The following SCGB2B2 variants were observed in gnomAD, a reference collection of about 807,000 sequenced individuals.
SCGB2B2 encodes the protein secretoglobin-like protein.
SCGB2B2 carries 11 observed loss-of-function variants against 7.6 expected under a neutral mutation model. The ratio of observed to expected loss-of-function variants is 1.45; its 90% confidence interval spans 0.91 to 2.40. The LOEUF (loss-of-function observed/expected upper bound fraction) is 2.40. Among genes scored for constraint, SCGB2B2 ranks in the 30% most tolerant of loss-of-function variants. The pLI is 0.00. For missense variants in SCGB2B2, 104 were observed against 115.4 expected (o/e 0.90, Z 0.45); for synonymous variants, 50 against 48.6 (o/e 1.03, Z -0.12).
At chr19:34,602,978 C>T (rs1193738671) in intron 1 of SCGB2B2, among the ~76,000 whole-genome samples, 2 of 152,132 alleles carry the variant, frequency 1.3e-5, no homozygotes, top group East Asian at 3.9e-4. Context: ...GTGGTTTCCT[C>T]ATTAAGTATT....
intron 1 of SCGB2B2, among the ~76,000 whole-genome samples, chr19:34,670,465 G>A (rs1396805846): frequency 1.3e-5 from 2 of 152,118 alleles, no homozygotes; most frequent in Non-Finnish European, 2.9e-5. Context: ...ATTTCTCTGC[G>A]ATTTTACTTT....
At position 34,676,573 on chromosome 19, in the gene SCGB2B2, A is replaced by C. The variant is rs1374714999; in HGVS notation, c.-2975T>G. 6.6e-6 allele frequency: 1 copy of C among 151,932 alleles called. No individual in the cohort carries two copies. Among genetic ancestry groups the C allele is most frequent in the East Asian group, 1.9e-4 (1 of 5,170 alleles). The allele number at this position is 151,932 out of a possible 1,614,324, so 9.4% of individuals were successfully genotyped here. On this transcript the variant is annotated 5_prime_UTR_variant, in exon 1 of 4. Transcript: ENST00000601241. Reference sequence around the variant, plus strand: ...ACAATGGAGTACCCATTGTTTCTTTACTTTCTTAATACACTTGCTTTGGCT... The same window carrying C: ...ACAATGGAGTACCCATTGTTTCTTTCCTTTCTTAATACACTTGCTTTGGCT...
intron 1 of SCGB2B2, among the ~76,000 whole-genome samples, chr19:34,634,130 A>G (rs1432100594): frequency 1.3e-5 from 2 of 152,192 alleles, no homozygotes; most frequent in African/African-American, 4.8e-5. Flanking sequence ...TCCTGAAAAT[A>G]TCTGTGTACC....
intron 1 of SCGB2B2, among the ~76,000 whole-genome samples, chr19:34,643,755 A>T (rs1206444431): frequency 1.3e-5 from 2 of 152,176 alleles, no homozygotes; most frequent in African/African-American, 4.8e-5. Context: ...GGAGAACATT[A>T]GACAATTTCT....
intron 1 of SCGB2B2, among the ~76,000 whole-genome samples, chr19:34,621,452 T>G (rs923292884): frequency 2.6e-5 from 4 of 151,960 alleles, no homozygotes; most frequent in Admixed American, 2.6e-4. Flanking sequence ...GGCATTTTTT[T>G]TTTTTCCCCA....
At chr19:34,615,854 A>C (rs2066061536) in intron 1 of SCGB2B2, among the ~76,000 whole-genome samples, 2 of 109,102 alleles carry the variant, frequency 1.8e-5, no homozygotes, top group African/African-American at 3.5e-5. Flanking sequence ...CCACCCCACA[A>C]CAGTCCCCAG....
At chr19:34,599,332 C>T (rs1163334869) in intron 1 of SCGB2B2, among the ~76,000 whole-genome samples, 2 of 152,196 alleles carry the variant, frequency 1.3e-5, no homozygotes, top group Admixed American at 1.3e-4. Flanking sequence ...CTCCTTCTCC[C>T]CATCTGTATT....
intron 1 of SCGB2B2, among the ~76,000 whole-genome samples, chr19:34,599,929 T>C (rs1349202106): frequency 6.6e-6 from 1 of 152,200 alleles, no homozygotes; most frequent in Non-Finnish European, 1.5e-5. Context: ...CTTAAGTGAT[T>C]ACTGTAATGC....
rs1164078399 is a variant in SCGB2B2, at chr19:34,675,953, T to G, written c.-2355A>C. 6.6e-6 allele frequency: 1 copy of G among 152,120 alleles called. No homozygotes were observed. The allele number at this position is 152,120 out of a possible 1,614,324, so 9.4% of individuals were successfully genotyped here. On this transcript the variant is annotated 5_prime_UTR_variant, in exon 1 of 4. Coordinates refer to ENST00000601241, the MANE Select transcript of SCGB2B2 (RefSeq NM_001025591.4). ...TGAAGCTGCAGACCTTCAGGGTGAG[T>G]GTTGCAGCTCATAAAGGTAGTGCAG... is the stretch of plus-strand genomic sequence containing the variant.
At chr19:34,609,096 C>G (rs919388302) in intron 1 of SCGB2B2, among the ~76,000 whole-genome samples, 1 of 152,004 alleles carries the variant, frequency 6.6e-6, no homozygotes, top group African/African-American at 2.4e-5. Context: ...TGAAAAATAC[C>G]TGTTGACCAT....
chr19:34,630,429 C>G (rs1472965520), intron 1 of SCGB2B2, among the ~76,000 whole-genome samples: 1 of 151,844 alleles, frequency 6.6e-6, no homozygotes, highest in Non-Finnish European at 1.5e-5. Context: ...AAAAAACAAA[C>G]AACCCCATCA....
intron 1 of SCGB2B2, among the ~76,000 whole-genome samples, chr19:34,612,996 T>C (rs1318410635): frequency 2.0e-5 from 3 of 152,232 alleles, no homozygotes; most frequent in African/African-American, 4.8e-5. Flanking sequence ...TTGTCTCTTA[T>C]AGTTTTATGT....
At position 34,596,467 on chromosome 19, in the gene SCGB2B2, G is replaced by A. The variant is rs1053743633; in HGVS notation, c.-1904C>T. On this transcript the variant is annotated 5_prime_UTR_variant, in exon 2 of 4. Transcript: ENST00000601241. ...AGAATGGGATTTTGTGTGTGTGTGA[G>A]TGGAATGCGCTGGCAGGATTCCACC... is the stretch of plus-strand genomic sequence containing the variant. The A allele has an allele frequency of 1.3e-5, 2 of 152,796 alleles. No individual in the cohort carries two copies. Among genetic ancestry groups the A allele is most frequent in the African/African-American group, 4.8e-5 (2 of 41,458 alleles). 9.5% of individuals were successfully genotyped at this position (152,796 alleles called of 1,614,324 possible).
chr19:34,595,163 A>G lies in SCGB2B2; in HGVS notation c.-600T>C. On this transcript the variant is annotated 5_prime_UTR_variant, in exon 2 of 4. It removes the in-frame stop codon of an upstream open reading frame in the 5' UTR. Coordinates refer to ENST00000601241, the MANE Select transcript of SCGB2B2 (RefSeq NM_001025591.4). ...ACATGTGACACAGTGAAGGGATCCTACATGTTGGGGACCAGCCTCAACACT... is the reference window on the plus strand; with the variant it reads ...ACATGTGACACAGTGAAGGGATCCTGCATGTTGGGGACCAGCCTCAACACT... 6.5e-6 allele frequency: 1 copy of G among 152,980 alleles called. No individual in the cohort carries two copies. The allele number at this position is 152,980 out of a possible 1,614,324, so 9.5% of individuals were successfully genotyped here.
chr19:34,668,678 T>C (rs1286390758), intron 1 of SCGB2B2, among the ~76,000 whole-genome samples: 1 of 152,194 alleles, frequency 6.6e-6, no homozygotes, highest in South Asian at 2.1e-4. Flanking sequence ...GTCAGCACCC[T>C]GTGTCTAGCT....
chr19:34,663,849 G>A (rs569201275), intron 1 of SCGB2B2, among the ~76,000 whole-genome samples: 1 of 152,062 alleles, frequency 6.6e-6, no homozygotes, highest in African/African-American at 2.4e-5. Flanking sequence ...AGAAAGAACA[G>A]GGCAGGGAGG....
chr19:34,672,593 T>C (rs1166822941), intron 1 of SCGB2B2, among the ~76,000 whole-genome samples: 2 of 152,218 alleles, frequency 1.3e-5, no homozygotes, highest in Admixed American at 1.3e-4. Context: ...CAAGATAAAT[T>C]AGTGGGATTT....
chr19:34,603,196 G>A (rs1274461050), intron 1 of SCGB2B2, among the ~76,000 whole-genome samples: 1 of 152,194 alleles, frequency 6.6e-6, no homozygotes, highest in African/African-American at 2.4e-5. Context: ...GAAAAAGCAT[G>A]TTCAGCATTT....
intron 1 of SCGB2B2, among the ~76,000 whole-genome samples, chr19:34,619,688 A>G (rs1407262719): frequency 6.6e-6 from 1 of 152,206 alleles, no homozygotes; most frequent in African/African-American, 2.4e-5. Context: ...CTGATTCCCT[A>G]AGCCAGGAAT....
Sources: allele counts gnomAD v4.1 joint callset (sites outside exome capture counted in the v4.1 genomes callset), GRCh38; gene constraint gnomAD v4.1.1; transcripts MANE v1.5; gene names NCBI Gene and HGNC (gene_info 2026-07-23, HGNC 2026-07-21).